The following LRP1B variants were observed in gnomAD, a reference collection of about 807,000 sequenced individuals.
LRP1B encodes low-density lipoprotein receptor-related protein 1B.
A neutral mutation model predicts 556.6 loss-of-function variants in LRP1B; 217 were observed. The observed-to-expected ratio is 0.39, with a 90% confidence interval of 0.35 to 0.44. The LOEUF (loss-of-function observed/expected upper bound fraction) is 0.44, where lower values mean the gene tolerates loss of function less well. Ranked by LOEUF, LRP1B falls within the 20% of genes least tolerant of loss-of-function variation. The probability of loss-of-function intolerance (pLI) is 1.00; values close to 1 mark genes in which losing one functional copy is unlikely to be tolerated. For missense variants in LRP1B, 5,053 were observed against 5,620.8 expected, an observed-to-expected ratio of 0.90 and a Z score of 3.23; for synonymous variants, 2,047 against 1,865.8, an observed-to-expected ratio of 1.10 and a Z score of -2.50.
intron 79 of LRP1B, among the ~76,000 whole-genome samples, chr2:140,326,151 C>T (rs1031766442): frequency 6.6e-6 from 1 of 152,008 alleles, no homozygotes; most frequent in African/African-American, 2.4e-5. Flanking sequence ...TCCCTTCTAG[C>T]CATATTTGTG....
intron 43 of LRP1B, among the ~76,000 whole-genome samples, chr2:140,562,900 G>T (rs1368100770): frequency 3.9e-5 from 6 of 152,030 alleles, no homozygotes; most frequent in Admixed American, 3.9e-4. Context: ...ACAAGCATGA[G>T]CCACCATGCC....
At chr2:141,280,721 G>T (rs908467556) in intron 3 of LRP1B, among the ~76,000 whole-genome samples, 1 of 151,768 alleles carries the variant, frequency 6.6e-6, no homozygotes, top group Non-Finnish European at 1.5e-5. Flanking sequence ...TCTAAATTTT[G>T]ATAATAAACA....
intron 1 of LRP1B, among the ~76,000 whole-genome samples, chr2:141,942,508 A>AC (rs1181525861): frequency 2.6e-5 from 4 of 151,946 alleles, no homozygotes; most frequent in African/African-American, 9.7e-5. Flanking sequence ...ACAAAACAAA[A>AC]AAAAAAACAA....
rs539189788 is a variant in LRP1B, at chr2:141,762,196, T to C, written c.205+48083A>G. Among the ~76,000 whole-genome samples the C allele has an allele frequency of 4.6e-5, 7 of 152,214 alleles. No individual in the cohort carries two copies. The East Asian group carries it at 1.4e-3, about 29-fold the overall frequency. ...ATGACATTTTCTCTGTGAGATGATG[T>C]ATTTTAGCAGCCTTTCAATTCCAAT... On this transcript the variant is annotated intron_variant, in intron 2 of 90. Transcript: ENST00000389484.
At position 141,232,024 on chromosome 2, in the gene LRP1B, G is replaced by A. The variant is rs140619212; in HGVS notation, c.593-2584C>T. Among the ~76,000 whole-genome samples, 1,157 of 152,294 alleles carry A rather than the reference G, an allele frequency of 7.6e-3. 5 individuals are homozygous for A. Among genetic ancestry groups the A allele is most frequent in the Non-Finnish European group, 0.012 (797 of 68,022 alleles). On this transcript the variant is annotated intron_variant, in intron 5 of 90. Coordinates refer to ENST00000389484, the MANE Select transcript of LRP1B (RefSeq NM_018557.3). ...AAACAAAGTCCTCTCAGAAGCATCA[G>A]TAGAATTGTGAATCATCTCTGCTTA...
chr2:141,789,575 A>G (rs1194503412), intron 2 of LRP1B, among the ~76,000 whole-genome samples: 1 of 151,972 alleles, frequency 6.6e-6, no homozygotes, highest in East Asian at 1.9e-4. Context: ...TAAGAAACAC[A>G]CCAACTTTCC....
chr2:140,418,484 T>G (rs1685292562), intron 66 of LRP1B, among the ~76,000 whole-genome samples: 1 of 152,146 alleles, frequency 6.6e-6, no homozygotes, highest in Non-Finnish European at 1.5e-5. Context: ...CTTCAAATCT[T>G]CATATGTTCT....
At chr2:140,659,620 A>G (rs1165102641) in intron 41 of LRP1B, among the ~76,000 whole-genome samples, 1 of 152,112 alleles carries the variant, frequency 6.6e-6, no homozygotes, top group African/African-American at 2.4e-5. Context: ...CACAGTAAAT[A>G]TAGAATGAAC....
At chr2:140,866,740 G>A (rs1483094315) in intron 27 of LRP1B, among the ~76,000 whole-genome samples, 2 of 152,104 alleles carry the variant, frequency 1.3e-5, no homozygotes, top group Admixed American at 6.6e-5. Flanking sequence ...GGAGAGCCAT[G>A]TGATATTGTC....
At chr2:141,375,919 T>C (rs926096048) in intron 3 of LRP1B, among the ~76,000 whole-genome samples, 1 of 151,994 alleles carries the variant, frequency 6.6e-6, no homozygotes, top group African/African-American at 2.4e-5. Flanking sequence ...ACTCAACTCA[T>C]AATTAAACTC....
chr2:141,026,028 A>T (rs1698207814), intron 11 of LRP1B, among the ~76,000 whole-genome samples: 1 of 152,080 alleles, frequency 6.6e-6, no homozygotes, highest in South Asian at 2.1e-4. Context: ...AATGGGGAGA[A>T]AGTCATTTCC....
At chr2:140,729,057 A>G (rs961674837) in intron 35 of LRP1B, among the ~76,000 whole-genome samples, 2 of 152,052 alleles carry the variant, frequency 1.3e-5, no homozygotes, top group Admixed American at 1.3e-4. Flanking sequence ...TTGGTTTAAC[A>G]TAATATTGTC....
chr2:140,988,208 T>A (rs1040106421), intron 17 of LRP1B, among the ~76,000 whole-genome samples: 6 of 152,042 alleles, frequency 3.9e-5, no homozygotes, highest in African/African-American at 1.4e-4. Flanking sequence ...AAGTTCCCTC[T>A]GCCATGCCCA....
At chr2:141,093,479 T>C (rs1341187242) in intron 7 of LRP1B, among the ~76,000 whole-genome samples, 1 of 152,120 alleles carries the variant, frequency 6.6e-6, no homozygotes, top group Non-Finnish European at 1.5e-5. Context: ...TATTGTCCAC[T>C]TGGAGAATAA....
At chr2:141,836,469 G>T (rs1372371359) in intron 1 of LRP1B, among the ~76,000 whole-genome samples, 1 of 151,192 alleles carries the variant, frequency 6.6e-6, no homozygotes, top group African/African-American at 2.4e-5. Flanking sequence ...TCCTAAGACT[G>T]CCCAGTGTTT....
At chr2:141,678,645 T>A (rs1445112257) in intron 2 of LRP1B, among the ~76,000 whole-genome samples, 2 of 152,096 alleles carry the variant, frequency 1.3e-5, no homozygotes, top group African/African-American at 2.4e-5. Flanking sequence ...AAAATTAGTA[T>A]TCAGAACACT....
chr2:141,838,778 G>T (rs1481669651), intron 1 of LRP1B, among the ~76,000 whole-genome samples: 1 of 152,156 alleles, frequency 6.6e-6, no homozygotes, highest in African/African-American at 2.4e-5. Flanking sequence ...CTCTTCAAAA[G>T]CATATAAAAG....
chr2:141,822,122 C>G (rs866819262), intron 1 of LRP1B, among the ~76,000 whole-genome samples: 18,233 of 104,110 alleles, frequency 0.18, 1,337 homozygotes, highest in African/African-American at 0.27. Flanking sequence ...CACACACACA[C>G]ACACACACAG....
intron 1 of LRP1B, among the ~76,000 whole-genome samples, chr2:141,917,305 G>A (rs1006017077): frequency 6.6e-6 from 1 of 152,090 alleles, no homozygotes; most frequent in Non-Finnish European, 1.5e-5. Context: ...TCCAAGGAAC[G>A]CTATTAACAA....
Sources: allele counts gnomAD v4.1 joint callset (sites outside exome capture counted in the v4.1 genomes callset), GRCh38; gene constraint gnomAD v4.1.1; transcripts MANE v1.5; gene names NCBI Gene and HGNC (gene_info 2026-07-23, HGNC 2026-07-21).